TRIM37: variants seen among roughly 807,000 people sequenced by gnomAD.
The protein encoded by TRIM37 is E3 ubiquitin-protein ligase TRIM37.
In TRIM37, 80 loss-of-function variants were observed where a neutral mutation model predicts 129.8. That is an observed-to-expected ratio of 0.62 (90% CI 0.51 to 0.74). The LOEUF (loss-of-function observed/expected upper bound fraction) is 0.74. Ranked by LOEUF, TRIM37 falls within the 30% of genes least tolerant of loss-of-function variation. The pLI is 0.00. For missense variants in TRIM37, 1,054 were observed against 1,176.5 expected (o/e 0.90, Z 1.52); for synonymous variants, 389 against 387.1 (o/e 1.00, Z -0.06).
the TRIM37 span, among the ~76,000 whole-genome samples, chr17:58,967,627 A>C: frequency 6.6e-6 from 1 of 151,730 alleles, no homozygotes; most frequent in East Asian, 1.9e-4. Flanking sequence ...CATTATTATA[A>C]TAGGGAAAAC....
downstream of TRIM37, among the ~76,000 whole-genome samples, chr17:58,994,288 A>G (rs115518216): frequency 4.9e-3 from 744 of 152,320 alleles, 2 homozygotes; most frequent in African/African-American, 0.017. Context: ...TCAGCCCTCT[A>G]TTATCTTTGG....
chr17:59,056,667 T>C (rs184505565), intron 13 of TRIM37, among the ~76,000 whole-genome samples: 1,808 of 125,042 alleles, frequency 0.014, 26 homozygotes, highest in African/African-American at 0.042. Flanking sequence ...GAGGCGGAGC[T>C]TGTAGTGAGC....
In TRIM37 at chr17:59,075,725, A is replaced by G; in HGVS notation, c.617-11T>C. The G allele has an allele frequency of 6.3e-7, 1 of 1,594,238 alleles. No homozygotes were observed. Among genetic ancestry groups the G allele is most frequent in the African/African-American group, 1.3e-5 (1 of 74,618 alleles). ...GAGATGTCTTCTGACCTGATGAAAA[A>G]TAGTGAATCATCAACACTTGGGTTC... is the stretch of plus-strand genomic sequence containing the variant. On this transcript the variant is annotated splice_polypyrimidine_tract_variant and intron_variant, in intron 7 of 23. Coordinates refer to ENST00000262294, the MANE Select transcript of TRIM37 (RefSeq NM_015294.6).
chr17:58,997,401 A>G (rs142121128), downstream of TRIM37, among the ~76,000 whole-genome samples: 15 of 152,320 alleles, frequency 9.8e-5, 1 homozygote, highest in East Asian at 2.9e-3. Flanking sequence ...AAAAGGCACT[A>G]GACCAGCAGT....
intron 9 of TRIM37, among the ~76,000 whole-genome samples, chr17:59,068,483 CAG>C (rs2042101089): frequency 1.3e-5 from 2 of 152,162 alleles, no homozygotes; most frequent in Non-Finnish European, 2.9e-5. Flanking sequence ...TTTCATTCCA[CAG>C]GGGATGAAAT....
chr17:59,051,176 A>G (rs1599172033), intron 14 of TRIM37, 38 bp downstream of exon 14: 6 of 1,326,554 alleles, frequency 4.5e-6, no homozygotes, highest in Non-Finnish European at 6.5e-6. Context: ...CCAAAAGGAC[A>G]ATAGGAAACA....
chr17:59,077,881 C>A lies in TRIM37; in HGVS notation c.616+1873G>T, dbSNP rs144506401. ...GCTCACGCCTGTTATCCCAGCACTT[C>A]GGGAGGCGGAGGTGGGTGGATCACC... is the stretch of plus-strand genomic sequence containing the variant. On this transcript the variant is annotated intron_variant, in intron 7 of 23. Transcript: ENST00000262294. Among the ~76,000 whole-genome samples the A allele has an allele frequency of 3.0e-4, 45 of 148,200 alleles. No individual in the cohort carries two copies. In the East Asian group the frequency reaches 9.0e-3, roughly 30 times the overall value.
intron 23 of TRIM37, among the ~76,000 whole-genome samples, chr17:59,001,209 A>G (rs1333891402): frequency 6.6e-6 from 1 of 151,518 alleles, no homozygotes; most frequent in South Asian, 2.1e-4. Flanking sequence ...CAAAAAAAAA[A>G]AAAAAGAAAA....
At chr17:59,078,615 T>A (rs986083124) in intron 7 of TRIM37, among the ~76,000 whole-genome samples, 4 of 152,188 alleles carry the variant, frequency 2.6e-5, no homozygotes, top group African/African-American at 9.7e-5. Flanking sequence ...CTTAATGAAC[T>A]TAAAGAGATC....
chr17:59,074,032 T>C (rs992928862), intron 8 of TRIM37, among the ~76,000 whole-genome samples: 11 of 152,244 alleles, frequency 7.2e-5, no homozygotes, highest in African/African-American at 2.7e-4. Context: ...ATTATGCTTA[T>C]CAAGTATTAT....
At chr17:58,993,944 A>C (rs763193997), downstream of TRIM37, among the ~76,000 whole-genome samples, 4 of 152,234 alleles carry the variant, frequency 2.6e-5, no homozygotes, top group Admixed American at 6.5e-5. Context: ...GTTATGACAC[A>C]ATACTGAAAA....
chr17:59,084,375 G>A (rs1376915123), intron 4 of TRIM37, among the ~76,000 whole-genome samples: 1 of 152,102 alleles, frequency 6.6e-6, no homozygotes, highest in Non-Finnish European at 1.5e-5. Context: ...CAGCACTACA[G>A]ATGATATATT....
At chr17:59,090,873 G>A (rs1008805225) in intron 3 of TRIM37, among the ~76,000 whole-genome samples, 4 of 152,042 alleles carry the variant, frequency 2.6e-5, no homozygotes, top group Non-Finnish European at 4.4e-5. Context: ...TGATCCAGCC[G>A]CCTTGGCCTC....
At chr17:58,973,017 TTA>T in the TRIM37 span, 2 of 784,074 alleles carry the variant, frequency 2.6e-6, no homozygotes, top group East Asian at 2.5e-5. Context: ...AGATGATAAT[TTA>T]TGTTACCAGA....
chr17:59,014,306 G>A (rs1449648752), intron 21 of TRIM37, among the ~76,000 whole-genome samples: 1 of 151,852 alleles, frequency 6.6e-6, no homozygotes, highest in African/African-American at 2.4e-5. Context: ...TTCTTTTCAG[G>A]GTCTCCAAAA....
chr17:59,103,682 T>C (rs2045736413), intron 2 of TRIM37, among the ~76,000 whole-genome samples: 1 of 142,188 alleles, frequency 7.0e-6, no homozygotes, highest in African/African-American at 2.7e-5. Context: ...GGAGTCTCAC[T>C]CTGTCGCCAG....
At chr17:59,064,316 T>C (rs376813400) in intron 10 of TRIM37, 39 bp downstream of exon 10, 17 of 1,502,730 alleles carry the variant, frequency 1.1e-5, no homozygotes, top group African/African-American at 4.2e-5. Flanking sequence ...CTTCCTTATA[T>C]ACACATACAA....
At chr17:59,059,410 C>G (rs1336620542) in intron 12 of TRIM37, 1 of 152,344 alleles carries the variant, frequency 6.6e-6, no homozygotes, top group Non-Finnish European at 1.5e-5. Flanking sequence ...GGGTCTCACT[C>G]TGTCATTCAG....
intron 17 of TRIM37, among the ~76,000 whole-genome samples, chr17:59,039,194 G>A (rs1321898507): frequency 5.3e-5 from 8 of 152,240 alleles, no homozygotes; most frequent in African/African-American, 1.9e-4. Flanking sequence ...CCCTTTTCAT[G>A]ATGTTCACAG....
Sources: allele counts gnomAD v4.1 joint callset (sites outside exome capture counted in the v4.1 genomes callset), GRCh38; gene constraint gnomAD v4.1.1; transcripts MANE v1.5; gene names NCBI Gene and HGNC (gene_info 2026-07-23, HGNC 2026-07-21).